The following DCC variants were observed in gnomAD, a reference collection of about 807,000 sequenced individuals.
The protein encoded by DCC is DCC netrin 1 receptor.
A neutral mutation model predicts 172.5 loss-of-function variants in DCC; 58 were observed. The observed-to-expected ratio is 0.34, with a 90% CI of 0.27 to 0.42. The LOEUF (loss-of-function observed/expected upper bound fraction) is 0.42, where lower values mean the gene tolerates loss of function less well. DCC is among the 10% of genes least tolerant of loss of function. The pLI is 1.00. For missense variants in DCC, 1,740 were observed against 1,791.0 expected (o/e 0.97, Z 0.51); for synonymous variants, 709 against 644.5 (o/e 1.10, Z -1.52).
chr18:53,124,241 A>G (rs968317745), intron 7 of DCC, among the ~76,000 whole-genome samples: 3 of 152,112 alleles, frequency 2.0e-5, no homozygotes, highest in Non-Finnish European at 4.4e-5. Context: ...CTAGAACACT[A>G]CAACTAATGA....
chr18:53,233,737 T>A (rs542809118), intron 12 of DCC, among the ~76,000 whole-genome samples: 51 of 152,328 alleles, frequency 3.3e-4, no homozygotes, highest in African/African-American at 1.2e-3. Context: ...AACACCTTTT[T>A]TATGTGGCAT....
intron 3 of DCC, among the ~76,000 whole-genome samples, chr18:52,918,678 C>T (rs192229687): frequency 6.6e-6 from 1 of 152,052 alleles, no homozygotes; most frequent in Admixed American, 6.6e-5. Flanking sequence ...CATCTTTATC[C>T]TCCTCATTTA....
intron 5 of DCC, among the ~76,000 whole-genome samples, chr18:53,009,818 C>G (rs62097940): frequency 0.33 from 49,730 of 151,698 alleles, 9,217 homozygotes; most frequent in Non-Finnish European, 0.43. Context: ...ATATGCTTCC[C>G]CTGCAGGCTA....
chr18:52,667,826 G>A (rs1001179588), intron 1 of DCC, among the ~76,000 whole-genome samples: 3 of 152,140 alleles, frequency 2.0e-5, no homozygotes, highest in Admixed American at 1.3e-4. Flanking sequence ...AGACAAAGGA[G>A]GAAGCATTTG....
At chr18:52,796,108 T>G (rs2037873036) in intron 2 of DCC, among the ~76,000 whole-genome samples, 1 of 151,740 alleles carries the variant, frequency 6.6e-6, no homozygotes, top group Non-Finnish European at 1.5e-5. Context: ...ATATCTTTTT[T>G]TATCCCTTCA....
chr18:52,380,466 G>A (rs1985537473), intron 1 of DCC, among the ~76,000 whole-genome samples: 6 of 152,026 alleles, frequency 3.9e-5, no homozygotes, highest in Admixed American at 2.0e-4. Context: ...AAAATTGCCA[G>A]ATGGAACCCC....
intron 1 of DCC, among the ~76,000 whole-genome samples, chr18:52,591,135 C>T (rs2033790368): frequency 6.6e-6 from 1 of 152,114 alleles, no homozygotes; most frequent in Admixed American, 6.5e-5. Flanking sequence ...TTGATTCTAT[C>T]AGGAAGGAAA....
rs1393908444 is a variant in DCC at position 52,815,032 on chromosome 18, G to A, written c.412+62658G>A. 2.6e-5 allele frequency among the ~76,000 whole-genome samples: 4 copies of A among 152,216 alleles called. 1 individual carries two copies. In the South Asian group the frequency reaches 6.2e-4, roughly 24 times the overall value. ...TATAACTTCAACATTGCAAAAGTGG[G>A]CAACAAGAAAAAATAGGGACATCAA... On this transcript the variant is annotated intron_variant, in intron 2 of 28. Transcript: ENST00000442544.
intron 7 of DCC, among the ~76,000 whole-genome samples, chr18:53,142,354 T>C (rs1006540736): frequency 6.6e-6 from 1 of 152,208 alleles, no homozygotes; most frequent in African/African-American, 2.4e-5. Context: ...AATTAATCTT[T>C]TCACACTGGC....
At chr18:53,182,790 T>C (rs1156334549) in intron 9 of DCC, among the ~76,000 whole-genome samples, 1 of 152,078 alleles carries the variant, frequency 6.6e-6, no homozygotes, top group Non-Finnish European at 1.5e-5. Context: ...ATGGTTCCTT[T>C]CCTTTCCTTT....
In DCC at chr18:53,486,897, C is replaced by T. The variant is rs751384291; in HGVS notation, c.3837C>T (p.Leu1279=). 5.6e-5 allele frequency: 91 copies of T among 1,614,070 alleles called. No individual in the cohort carries two copies. The highest frequency in any genetic ancestry group is 7.5e-5 in the Non-Finnish European group (89 of 1,180,048). The change falls in exon 26 of 29, where the codon CTC becomes CTT. Residue 1279 remains leucine (L), a synonymous_variant. Coordinates refer to ENST00000442544, the MANE Select transcript of DCC (RefSeq NM_005215.4). ...TCGYPHPQFT[L]RPVPFPTLSV... is the part of the protein sequence containing the mutation. ...GATATCCCCACCCGCAGTTCACTCT[C>T]CGGCCTGTGCCATTCCCAACACTCT...
At chr18:53,391,941 A>G (rs1393331) in intron 17 of DCC, 54 bp downstream of exon 17, 497,957 of 1,033,390 alleles carry the variant, frequency 0.48, 128,856 homozygotes, top group Non-Finnish European at 0.54. Context: ...TTTGTTTAAC[A>G]CATTGTTTTA....
At chr18:52,960,079 CGCACCCACGCATGCAT>C (rs900631037) in intron 5 of DCC, among the ~76,000 whole-genome samples, 1 of 152,070 alleles carries the variant, frequency 6.6e-6, no homozygotes, top group African/African-American at 2.4e-5. Context: ...TGGAGATACA[CGCACCCACGCATGCAT>C]GCACACACGC....
chr18:53,112,762 A>T lies in DCC; in HGVS notation c.1262-44594A>T, dbSNP rs540083930. On this transcript the variant is annotated intron_variant, in intron 7 of 28. Transcript: ENST00000442544. ...CTTGGGGTAGAATTGGATATTATTCACACTCAAAAGATCACTGGGCAGTGA... is the reference window on the plus strand; with the variant it reads ...CTTGGGGTAGAATTGGATATTATTCTCACTCAAAAGATCACTGGGCAGTGA... Among the ~76,000 whole-genome samples, 40 of 151,640 alleles carry T rather than the reference A, an allele frequency of 2.6e-4. No homozygotes were observed. The East Asian group carries it at 7.4e-3, about 28-fold the overall frequency.
intron 5 of DCC, among the ~76,000 whole-genome samples, chr18:52,935,805 ATAT>A (rs2040372754): frequency 2.0e-5 from 3 of 152,128 alleles, no homozygotes; most frequent in African/African-American, 4.8e-5. Flanking sequence ...TGTTAAGATA[ATAT>A]TTATCTTTTT....
chr18:52,418,745 G>A (rs542029939), intron 1 of DCC, among the ~76,000 whole-genome samples: 39 of 152,130 alleles, frequency 2.6e-4, no homozygotes, highest in Admixed American at 2.4e-3. Context: ...CATGTCATAA[G>A]CTCCAATACA....
intron 12 of DCC, among the ~76,000 whole-genome samples, chr18:53,291,327 A>G (rs992250040): frequency 6.6e-6 from 1 of 152,130 alleles, no homozygotes; most frequent in Non-Finnish European, 1.5e-5. Context: ...CATTATTATA[A>G]TACCTTGCGA....
intron 1 of DCC, among the ~76,000 whole-genome samples, chr18:52,666,735 G>A (rs1333281693): frequency 6.6e-6 from 1 of 152,116 alleles, no homozygotes; most frequent in Non-Finnish European, 1.5e-5. Context: ...TAACTTGTTA[G>A]TATGTCACCA....
intron 13 of DCC, among the ~76,000 whole-genome samples, chr18:53,314,752 C>A (rs1300359179): frequency 6.6e-6 from 1 of 152,080 alleles, no homozygotes; most frequent in Non-Finnish European, 1.5e-5. Flanking sequence ...TATAATACTT[C>A]AAAGACATTT....
Sources: gnomAD v4.1 joint callset for allele counts (sites outside exome capture counted in the v4.1 genomes callset) on GRCh38, gnomAD v4.1.1 for gene constraint, MANE v1.5 for transcripts, NCBI Gene and HGNC (gene_info 2026-07-23, HGNC 2026-07-21) for gene names.